Variants in AEBP2 observed in about 807,000 individuals in gnomAD.
AEBP2 encodes zinc finger protein AEBP2.
A neutral mutation model predicts 50.8 loss-of-function variants in AEBP2; 10 were observed. That is an observed-to-expected ratio of 0.20 (90% CI 0.12 to 0.33). AEBP2 has a LOEUF of 0.33. Among genes scored for constraint, AEBP2 ranks in the 10% least tolerant of loss-of-function variants. The pLI is 1.00. For missense variants in AEBP2, 570 were observed against 688.0 expected, an observed-to-expected ratio of 0.83 and a Z score of 1.92; for synonymous variants, 296 against 261.3, an observed-to-expected ratio of 1.13 and a Z score of -1.28.
At chr12:19,467,596 G>A (rs1028166971) in intron 2 of AEBP2, among the ~76,000 whole-genome samples, 18 of 152,096 alleles carry the variant, frequency 1.2e-4, no homozygotes, top group African/African-American at 4.3e-4. Flanking sequence ...GCCCGGCCTA[G>A]GTCCGTACGT....
rs369410408 is a variant in AEBP2, at chr12:19,479,717, G to GTTTTTTT, written c.987+6387_987+6393dup. Among the ~76,000 whole-genome samples, 137 of 22,272 alleles carry GTTTTTTT rather than the reference G, an allele frequency of 6.2e-3. 5 individuals carry two copies. The highest frequency in any genetic ancestry group is 0.056 in the Middle Eastern group (1 of 18). 14.6% of individuals were successfully genotyped at this position (22,272 alleles called of 152,430 possible). A position where few individuals can be genotyped will look rare whatever the true frequency, so the allele number is the denominator to read the frequency against. On this transcript the variant is annotated intron_variant, in intron 3 of 7. Coordinates refer to ENST00000266508, the MANE Select transcript of AEBP2 (RefSeq NM_153207.5). Reference sequence around the variant, plus strand: ...ATTATTTAATGTCACCTCTTTGTGGGTTTTTTTTTTTTTTTTTTTTTTTTT... The same window carrying GTTTTTTT: ...ATTATTTAATGTCACCTCTTTGTGGGTTTTTTTTTTTTTTTTTTTTTTTTTTTTTTTT...
intron 3 of AEBP2, among the ~76,000 whole-genome samples, chr12:19,475,145 T>C (rs1360297240): frequency 1.3e-5 from 2 of 148,520 alleles, no homozygotes; most frequent in African/African-American, 5.0e-5. Context: ...TTAGTGGTGA[T>C]TTCTGAGATT....
chr12:19,483,402 C>G (rs1267030490), intron 3 of AEBP2, among the ~76,000 whole-genome samples: 4 of 152,196 alleles, frequency 2.6e-5, no homozygotes, highest in African/African-American at 9.6e-5. Context: ...CAGGTTTTCT[C>G]TCTCTTACAC....
intron 7 of AEBP2, among the ~76,000 whole-genome samples, chr12:19,517,411 T>G (rs1949336172): frequency 1.3e-5 from 2 of 152,206 alleles, no homozygotes; most frequent in South Asian, 4.1e-4. Flanking sequence ...ATCAAAGCTA[T>G]TTAGGGGAAA....
intron 2 of AEBP2, chr12:19,466,936 C>G (rs563129002): frequency 2.9e-6 from 1 of 348,662 alleles, no homozygotes; most frequent in South Asian, 1.2e-4. Flanking sequence ...AAAGCAAAAC[C>G]ATTATATATC....
At chr12:19,429,975 G>C (rs1269752748) in intron 1 of AEBP2, among the ~76,000 whole-genome samples, 2 of 152,170 alleles carry the variant, frequency 1.3e-5, no homozygotes, top group African/African-American at 2.4e-5. Flanking sequence ...AAGCTATTTA[G>C]TTGAATTAGA....
chr12:19,451,817 T>C (rs1383860540), intron 1 of AEBP2, among the ~76,000 whole-genome samples: 1 of 152,186 alleles, frequency 6.6e-6, no homozygotes, highest in Non-Finnish European at 1.5e-5. Context: ...TCCTACCACC[T>C]TAGCCTCCTG....
At chr12:19,486,392 T>C (rs1948809850) in intron 3 of AEBP2, among the ~76,000 whole-genome samples, 2 of 152,174 alleles carry the variant, frequency 1.3e-5, no homozygotes, top group Non-Finnish European at 2.9e-5. Flanking sequence ...GCTGCTATTT[T>C]TTTTTGTTTT....
chr12:19,490,093 C>G (rs1278359458), intron 3 of AEBP2, among the ~76,000 whole-genome samples: 2 of 146,272 alleles, frequency 1.4e-5, no homozygotes, highest in African/African-American at 2.6e-5. Context: ...GTGATTTTCC[C>G]ACCTTGGCCT....
intron 7 of AEBP2, among the ~76,000 whole-genome samples, chr12:19,516,384 C>A (rs2120633957): frequency 6.6e-6 from 1 of 152,204 alleles, no homozygotes; most frequent in East Asian, 1.9e-4. Context: ...TAGTCGTAAA[C>A]CTCTCTTAGA....
intron 3 of AEBP2, among the ~76,000 whole-genome samples, chr12:19,481,111 TTTTTTTTG>T (rs1948722351): frequency 7.2e-6 from 1 of 139,634 alleles, no homozygotes; most frequent in Non-Finnish European, 1.5e-5. Flanking sequence ...TTTTTTTTTT[TTTTTTTTG>T]AGACCGAGTC....
intron 1 of AEBP2, among the ~76,000 whole-genome samples, chr12:19,428,864 C>A (rs900940273): frequency 1.1e-4 from 16 of 151,604 alleles, no homozygotes; most frequent in Non-Finnish European, 1.9e-4. Context: ...TTAGGCGGGG[C>A]CTGGTGGCAC....
At chr12:19,463,692 GA>G (rs1948419978) in intron 2 of AEBP2, among the ~76,000 whole-genome samples, 1 of 17,294 alleles carries the variant, frequency 5.8e-5, no homozygotes, top group Non-Finnish European at 1.5e-4. Context: ...TTTTTTTTTT[GA>G]GACGGAGTCT....
chr12:19,439,315 G>A (rs1428732327), upstream of AEBP2, among the ~76,000 whole-genome samples: 3 of 151,666 alleles, frequency 2.0e-5, no homozygotes, highest in Non-Finnish European at 2.9e-5. Flanking sequence ...GCGTGTCCCT[G>A]GGCTTCGAAG....
chr12:19,487,998 T>C (rs1289133990), intron 3 of AEBP2, among the ~76,000 whole-genome samples: 1 of 152,198 alleles, frequency 6.6e-6, no homozygotes, highest in East Asian at 1.9e-4. Flanking sequence ...TGCAGAGCCT[T>C]GCACATTGCA....
intron 1 of AEBP2, among the ~76,000 whole-genome samples, chr12:19,426,563 T>G (rs1161964576): frequency 6.6e-6 from 1 of 152,166 alleles, no homozygotes; most frequent in African/African-American, 2.4e-5. Flanking sequence ...TGGTTAATTT[T>G]ATGTGTCAAC....
intron 1 of AEBP2, among the ~76,000 whole-genome samples, chr12:19,406,923 G>C: frequency 6.6e-6 from 1 of 152,146 alleles, no homozygotes. Flanking sequence ...TGGATGTCCA[G>C]TTGTTCAACA....
chr12:19,424,523 A>C (rs981278762), intron 1 of AEBP2, among the ~76,000 whole-genome samples: 1 of 151,770 alleles, frequency 6.6e-6, no homozygotes, highest in Non-Finnish European at 1.5e-5. Context: ...CAGCCTCCTG[A>C]GTAGCTGGGA....
At chr12:19,507,717 T>C (rs1949171428) in intron 5 of AEBP2, among the ~76,000 whole-genome samples, 3 of 152,044 alleles carry the variant, frequency 2.0e-5, no homozygotes, top group Admixed American at 1.3e-4. Context: ...TGAGATAAGG[T>C]CTTCGCTGGA....
Sources: allele counts gnomAD v4.1 joint callset (sites outside exome capture counted in the v4.1 genomes callset), GRCh38; gene constraint gnomAD v4.1.1; transcripts MANE v1.5; gene names NCBI Gene and HGNC (gene_info 2026-07-23, HGNC 2026-07-21).